Variants in VGLL4 observed in about 807,000 individuals in gnomAD.
The protein encoded by VGLL4 is transcription cofactor vestigial-like protein 4.
VGLL4 carries 7 observed loss-of-function variants against 21.0 expected under a neutral mutation model. The ratio of observed to expected loss-of-function variants is 0.33; its 90% CI spans 0.19 to 0.63. The LOEUF (loss-of-function observed/expected upper bound fraction) is 0.63. VGLL4 is among the 20% of genes least tolerant of loss of function. VGLL4 has a pLI of 0.78. For missense variants in VGLL4, 394 were observed against 425.7 expected, an observed-to-expected ratio of 0.93 and a Z score of 0.66; for synonymous variants, 222 against 173.2, an observed-to-expected ratio of 1.28 and a Z score of -2.21.
rs560173699 is a variant in VGLL4, at chr3:11,609,843, A to C, written c.83-7821T>G. Among the ~76,000 whole-genome samples the C allele has an allele frequency of 6.6e-5, 10 of 152,296 alleles. No individual in the cohort carries two copies. In the South Asian group the frequency reaches 1.9e-3, roughly 28 times the overall value. ...GACCAACAGCACAGGGTGAAATGAG[A>C]ATGTCTTTATGGAGAAGGAGAGGGT... is the stretch of plus-strand genomic sequence containing the variant. On this transcript the variant is annotated intron_variant, in intron 1 of 4. Transcript: ENST00000430365.
intron 1 of VGLL4, among the ~76,000 whole-genome samples, chr3:11,712,669 T>C (rs1052049196): frequency 1.3e-5 from 2 of 152,182 alleles, no homozygotes; most frequent in Admixed American, 6.5e-5. Context: ...AATGCTATTT[T>C]TACTACTCTT....
intron 2 of VGLL4, among the ~76,000 whole-genome samples, chr3:11,654,958 A>C (rs543465426): frequency 6.6e-6 from 1 of 152,356 alleles, no homozygotes; most frequent in Non-Finnish European, 1.5e-5. Flanking sequence ...TTGAAATGCA[A>C]ACAATTCAAT....
At chr3:11,659,847 G>A (rs556362038) in intron 2 of VGLL4, among the ~76,000 whole-genome samples, 8 of 152,132 alleles carry the variant, frequency 5.3e-5, no homozygotes, top group South Asian at 2.1e-4. Context: ...CAAGAGTTCC[G>A]TAAACTGTAA....
At chr3:11,711,753 G>A (rs1415426166) in intron 1 of VGLL4, among the ~76,000 whole-genome samples, 1 of 152,044 alleles carries the variant, frequency 6.6e-6, no homozygotes, top group African/African-American at 2.4e-5. Context: ...GGTATTTACT[G>A]GGTATCTCCT....
chr3:11,590,428 C>T (rs2074459943), intron 2 of VGLL4, among the ~76,000 whole-genome samples: 1 of 152,094 alleles, frequency 6.6e-6, no homozygotes, highest in Non-Finnish European at 1.5e-5. Flanking sequence ...TAGGTCTCTT[C>T]AAGAAGAAAG....
chr3:11,614,166 G>A (rs1205620285), intron 1 of VGLL4, among the ~76,000 whole-genome samples: 1 of 152,210 alleles, frequency 6.6e-6, no homozygotes, highest in East Asian at 1.9e-4. Context: ...CCTAGAATGT[G>A]TTCAGAAGCC....
At chr3:11,573,316 G>GAAGGAAGA (rs2073910741) in intron 2 of VGLL4, among the ~76,000 whole-genome samples, 6 of 20,754 alleles carry the variant, frequency 2.9e-4, no homozygotes, top group African/African-American at 9.7e-4. Context: ...AGGAAGGAAG[G>GAAGGAAGA]AAGAAAGAAA....
chr3:11,570,260 G>GCTCCATCCCCTCC (rs1559866424), intron 2 of VGLL4, among the ~76,000 whole-genome samples: 1 of 151,528 alleles, frequency 6.6e-6, no homozygotes, highest in African/African-American at 2.4e-5. Context: ...CCATCACCTC[G>GCTCCATCCCCTCC]CAGCTCCATC....
intron 2 of VGLL4, among the ~76,000 whole-genome samples, chr3:11,663,185 GA>G (rs1352018641): frequency 2.0e-5 from 3 of 152,148 alleles, no homozygotes; most frequent in Non-Finnish European, 1.5e-5. Flanking sequence ...AAGGGGGCTG[GA>G]GGATGAGGAT....
intron 2 of VGLL4, among the ~76,000 whole-genome samples, chr3:11,690,711 T>C (rs2125392092): frequency 6.6e-6 from 1 of 152,240 alleles, no homozygotes; most frequent in South Asian, 2.1e-4. Flanking sequence ...CAAATGGTAC[T>C]TCACCAGATT....
In VGLL4 at chr3:11,569,024, A is replaced by G; in HGVS notation, c.273-4005T>C. 11 of 832,052 alleles carry G rather than the reference A, an allele frequency of 1.3e-5. No homozygotes were observed. The Admixed American group carries it at 1.6e-4, about 12-fold the overall frequency. The allele number at this position is 832,052 out of a possible 1,614,324, so 51.5% of individuals were successfully genotyped here. ...CAGGACAGAGCTTTCTGAGTACTGA[A>G]AGCCACACGCTCTCTAAGCTAAGAA... On this transcript the variant is annotated intron_variant, in intron 2 of 4. Transcript: ENST00000430365.
intron 1 of VGLL4, among the ~76,000 whole-genome samples, chr3:11,709,100 C>G (rs914830398): frequency 6.6e-6 from 1 of 151,628 alleles, no homozygotes; most frequent in Non-Finnish European, 1.5e-5. Flanking sequence ...ATGCTGACAC[C>G]TGGAACATAA....
At position 11,599,884 on chromosome 3, in the gene VGLL4, G is replaced by A. The variant is rs2074749195; in HGVS notation, c.272+1949C>T. ...TAATATTAACAATGACTAAAGCTGA[G>A]TACTTACTATCTGCCAGGCACCATT... On this transcript the variant is annotated intron_variant, in intron 2 of 4. Coordinates refer to ENST00000430365, the MANE Select transcript of VGLL4 (RefSeq NM_001128219.3). 2.6e-5 allele frequency among the ~76,000 whole-genome samples: 4 copies of A among 151,998 alleles called. No homozygotes were observed. The South Asian group carries it at 8.3e-4, about 32-fold the overall frequency.
At chr3:11,687,574 T>G (rs1403513626) in intron 2 of VGLL4, among the ~76,000 whole-genome samples, 2 of 152,306 alleles carry the variant, frequency 1.3e-5, no homozygotes, top group African/African-American at 4.8e-5. Context: ...CCTCCCACAG[T>G]GCTGGGATTA....
chr3:11,641,706 C>T (rs1559918381), intron 1 of VGLL4, among the ~76,000 whole-genome samples: 1 of 152,078 alleles, frequency 6.6e-6, no homozygotes, highest in Non-Finnish European at 1.5e-5. Flanking sequence ...GCCCATTATC[C>T]CATATAGCTA....
chr3:11,665,980 G>A (rs1194390141), intron 2 of VGLL4, among the ~76,000 whole-genome samples: 3 of 152,210 alleles, frequency 2.0e-5, no homozygotes, highest in African/African-American at 7.2e-5. Context: ...GCCGGGCGCG[G>A]TGGCTCACGC....
chr3:11,593,855 G>A (rs1355860559), intron 2 of VGLL4, among the ~76,000 whole-genome samples: 1 of 152,164 alleles, frequency 6.6e-6, no homozygotes, highest in Non-Finnish European at 1.5e-5. Context: ...CTTTCACTGG[G>A]CCCTTCCTCG....
chr3:11,623,873 T>G (rs2125304137), intron 1 of VGLL4, among the ~76,000 whole-genome samples: 1 of 152,118 alleles, frequency 6.6e-6, no homozygotes, highest in Non-Finnish European at 1.5e-5. Context: ...CCCGAGCAGC[T>G]GGGACTACAA....
At chr3:11,608,726 T>C (rs938345711) in intron 1 of VGLL4, among the ~76,000 whole-genome samples, 2 of 152,232 alleles carry the variant, frequency 1.3e-5, no homozygotes, top group Non-Finnish European at 2.9e-5. Context: ...CATTTTAATA[T>C]TGCTAAGACT....
Sources: gnomAD v4.1 joint callset for allele counts (sites outside exome capture counted in the v4.1 genomes callset) on GRCh38, gnomAD v4.1.1 for gene constraint, MANE v1.5 for transcripts, NCBI Gene and HGNC (gene_info 2026-07-23, HGNC 2026-07-21) for gene names.